Variants in DENND5B observed in about 807,000 individuals in gnomAD.
DENND5B encodes the protein DENN domain-containing protein 5B.
In DENND5B, 34 loss-of-function variants were observed where a neutral mutation model predicts 140.6. The ratio of observed to expected loss-of-function variants is 0.24; its 90% CI spans 0.18 to 0.32. The LOEUF (loss-of-function observed/expected upper bound fraction) is 0.32. Ranked by LOEUF, DENND5B falls within the 10% of genes least tolerant of loss-of-function variation. The pLI is 1.00. For missense variants in DENND5B, 1,142 were observed against 1,560.2 expected (o/e 0.73, Z 4.52); for synonymous variants, 551 against 562.1 (o/e 0.98, Z 0.28).
At chr12:31,526,689 T>TTCA (rs1948096143) in intron 1 of DENND5B, among the ~76,000 whole-genome samples, 1 of 152,176 alleles carries the variant, frequency 6.6e-6, no homozygotes, top group South Asian at 2.1e-4. Flanking sequence ...AGTGGAAAAA[T>TTCA]TCACGAAATC....
chr12:31,578,072 A>T (rs534651117), intron 1 of DENND5B, among the ~76,000 whole-genome samples: 1 of 144,108 alleles, frequency 6.9e-6, no homozygotes. Flanking sequence ...GACTGAAGTG[A>T]GCCAAGATCA....
intron 7 of DENND5B, among the ~76,000 whole-genome samples, chr12:31,437,034 C>A (rs1415375599): frequency 2.0e-5 from 3 of 152,148 alleles, no homozygotes; most frequent in Admixed American, 2.0e-4. Flanking sequence ...GTATCTATCA[C>A]AGAGTATTAT....
In DENND5B at chr12:31,426,355, C is replaced by T. The variant is rs771675059; in HGVS notation, c.2176G>A (p.Ala726Thr). The change falls in exon 9 of 21, where the codon GCA (alanine) becomes ACA (threonine). Residue 726 changes from alanine (A) to threonine (T), a missense_variant. This residue lies in a region of DENND5B where 708 missense variants were observed against 905.5 expected (regional missense o/e 0.78). Coordinates refer to ENST00000389082, the MANE Select transcript of DENND5B (RefSeq NM_144973.4). Reference sequence around the variant, plus strand: ...TTACAGTTGGTCTGTGCAATAACTGCAGGAGAGAGGTCTGACAGTTTGGGT... The same window carrying T: ...TTACAGTTGGTCTGTGCAATAACTGTAGGAGAGAGGTCTGACAGTTTGGGT... ...RQPKLSDLSP[A>T]VIAQTNCKFV... is the part of the protein sequence containing the mutation. The T allele has an allele frequency of 6.2e-7, 1 of 1,612,022 alleles. No individual in the cohort carries two copies. Among genetic ancestry groups the T allele is most frequent in the Non-Finnish European group, 8.5e-7 (1 of 1,178,910 alleles).
At chr12:31,487,480 C>T (rs1946354086) in intron 2 of DENND5B, among the ~76,000 whole-genome samples, 1 of 152,092 alleles carries the variant, frequency 6.6e-6, no homozygotes, top group South Asian at 2.1e-4. Flanking sequence ...GGTGGATTGC[C>T]TGAGCTCAGG....
In DENND5B at chr12:31,497,770, C is replaced by T. The variant is rs1442803438; in HGVS notation, c.128-1851G>A. On this transcript the variant is annotated intron_variant, in intron 1 of 20. Transcript: ENST00000389082. Reference sequence around the variant, plus strand: ...CGAAAGAAAGGAAAGTAAGGGGGAGCGGCATGGGGAGGGTGGAGGGGGAGG... The same window carrying T: ...CGAAAGAAAGGAAAGTAAGGGGGAGTGGCATGGGGAGGGTGGAGGGGGAGG... Among the ~76,000 whole-genome samples the T allele has an allele frequency of 1.5e-4, 11 of 73,266 alleles. 1 individual carries two copies. The South Asian group carries it at 4.4e-3, about 30-fold the overall frequency. 48.1% of individuals were successfully genotyped at this position (73,266 alleles called of 152,430 possible).
intron 7 of DENND5B, among the ~76,000 whole-genome samples, chr12:31,440,479 C>A (rs1427870581): frequency 1.3e-5 from 2 of 152,216 alleles, no homozygotes; most frequent in Admixed American, 1.3e-4. Flanking sequence ...TTGTAAGCAG[C>A]ATATTAAATG....
Position 31,385,608 on chromosome 12 carries a change from T to C in DENND5B, c.*1995A>G, listed in dbSNP as rs1054658765. ...TGTCCCTGGAAGAGCTGTACCATTG[T>C]AGACACACTTTAGCTTCAGGCAAAC... On this transcript the variant is annotated 3_prime_UTR_variant, in exon 21 of 21. Coordinates refer to ENST00000389082, the MANE Select transcript of DENND5B (RefSeq NM_144973.4). 1.3e-5 allele frequency: 2 copies of C among 152,258 alleles called. No individual in the cohort carries two copies. Among genetic ancestry groups the C allele is most frequent in the African/African-American group, 4.8e-5 (2 of 41,450 alleles). 9.4% of individuals were successfully genotyped at this position (152,258 alleles called of 1,614,324 possible). A position where few individuals can be genotyped will look rare whatever the true frequency, so the allele number is the denominator to read the frequency against.
At chr12:31,493,037 G>T (rs1946595561) in intron 2 of DENND5B, among the ~76,000 whole-genome samples, 1 of 152,198 alleles carries the variant, frequency 6.6e-6, no homozygotes, top group South Asian at 2.1e-4. Flanking sequence ...CCTAGAGCGA[G>T]CCCAGGCTGG....
intron 2 of DENND5B, among the ~76,000 whole-genome samples, chr12:31,494,668 T>C (rs1946689965): frequency 1.3e-5 from 2 of 152,158 alleles, no homozygotes; most frequent in African/African-American, 4.8e-5. Flanking sequence ...AGTGTAACTT[T>C]GTAACTTCAC....
chr12:31,448,932 C>T (rs1179803013), intron 5 of DENND5B, among the ~76,000 whole-genome samples: 2 of 152,308 alleles, frequency 1.3e-5, no homozygotes, highest in African/African-American at 4.8e-5. Flanking sequence ...AAGCTGTACA[C>T]CTTTCCTGTT....
At chr12:31,506,704 A>G (rs1036815956) in intron 1 of DENND5B, among the ~76,000 whole-genome samples, 4 of 152,202 alleles carry the variant, frequency 2.6e-5, no homozygotes, top group African/African-American at 9.6e-5. Flanking sequence ...AGGACTCAGG[A>G]AAGTGATGTA....
chr12:31,455,905 G>T (rs921315347), intron 4 of DENND5B, among the ~76,000 whole-genome samples: 18 of 152,162 alleles, frequency 1.2e-4, no homozygotes, highest in African/African-American at 4.3e-4. Flanking sequence ...TGTAATCCCA[G>T]CTAGTTGAGA....
chr12:31,475,079 T>G (rs745363224), intron 3 of DENND5B, among the ~76,000 whole-genome samples: 13 of 152,144 alleles, frequency 8.5e-5, no homozygotes, highest in Non-Finnish European at 1.0e-4. Flanking sequence ...CTTGGGCAGA[T>G]TACTTAGTTT....
intron 1 of DENND5B, among the ~76,000 whole-genome samples, chr12:31,536,503 A>G (rs890982560): frequency 1.3e-5 from 2 of 152,102 alleles, no homozygotes; most frequent in African/African-American, 4.8e-5. Flanking sequence ...GCCTGAAGAC[A>G]GACTATTTGA....
At chr12:31,527,131 T>C (rs191000868) in intron 1 of DENND5B, among the ~76,000 whole-genome samples, 15 of 152,160 alleles carry the variant, frequency 9.9e-5, no homozygotes, top group Admixed American at 8.5e-4. Context: ...GTAAAGAGCA[T>C]TGAGGGATCA....
intron 11 of DENND5B, among the ~76,000 whole-genome samples, chr12:31,418,955 CCA>C (rs1008040859): frequency 1.2e-4 from 19 of 152,110 alleles, no homozygotes; most frequent in Non-Finnish European, 2.6e-4. Context: ...GTTGTTTAAA[CCA>C]CACAGTTTGT....
chr12:31,531,349 G>A (rs993369556), intron 1 of DENND5B, among the ~76,000 whole-genome samples: 2 of 152,198 alleles, frequency 1.3e-5, no homozygotes, highest in Non-Finnish European at 2.9e-5. Flanking sequence ...ACAGGCGCAT[G>A]CCACTACGTC....
intron 1 of DENND5B, among the ~76,000 whole-genome samples, chr12:31,504,444 G>A (rs1050564771): frequency 1.3e-5 from 2 of 152,158 alleles, no homozygotes; most frequent in Admixed American, 1.3e-4. Context: ...AGTTGGCAGT[G>A]GAAATAGGGA....
chr12:31,471,523 A>G (rs1315700116), intron 3 of DENND5B, among the ~76,000 whole-genome samples: 2 of 135,390 alleles, frequency 1.5e-5, no homozygotes, highest in East Asian at 2.1e-4. Flanking sequence ...CTGGTCTCAC[A>G]CTCCTGACCT....
Sources: allele counts gnomAD v4.1 joint callset (sites outside exome capture counted in the v4.1 genomes callset), GRCh38; gene constraint gnomAD v4.1.1; regional missense constraint gnomAD v4.1.1; transcripts MANE v1.5; gene names NCBI Gene and HGNC (gene_info 2026-07-23, HGNC 2026-07-21).